CDH18: variants seen among roughly 807,000 people sequenced by gnomAD.
CDH18 encodes cadherin 18.
Under a neutral mutation model 67.9 loss-of-function variants are expected in CDH18, and 31 were observed. That is an observed-to-expected ratio of 0.46 (90% CI 0.34 to 0.62). CDH18 has a LOEUF of 0.62. CDH18 is among the 20% of genes least tolerant of loss of function. The pLI, the probability that CDH18 is intolerant of heterozygous loss-of-function variation, is 0.01. For synonymous variants in CDH18, 362 were observed against 347.2 expected, an observed-to-expected ratio of 1.04 and a Z score of -0.48; for missense variants, 890 against 975.5, an observed-to-expected ratio of 0.91 and a Z score of 1.17.
intron 1 of CDH18, among the ~76,000 whole-genome samples, chr5:20,266,834 CAG>C (rs1374730070): frequency 6.6e-6 from 1 of 151,934 alleles, no homozygotes; most frequent in Non-Finnish European, 1.5e-5. Flanking sequence ...ACTTATGTTT[CAG>C]AGAGTGTCTT....
rs77484039 is a variant in CDH18, at chr5:20,115,232, A to G, written c.-517-123218T>C. ...AGTCTCTTTCTTTTCTTATAAGGACACTAATACCATCATGGGGCTCCACTC... is the reference window on the plus strand; with the variant it reads ...AGTCTCTTTCTTTTCTTATAAGGACGCTAATACCATCATGGGGCTCCACTC... On this transcript the variant is annotated intron_variant, in intron 2 of 14. Coordinates refer to the CDH18 transcript ENST00000507958. 4.7e-3 allele frequency among the ~76,000 whole-genome samples: 675 copies of G among 144,578 alleles called. 9 individuals are homozygous for G. The highest frequency in any genetic ancestry group is 0.016 in the African/African-American group (623 of 39,054). The allele number at this position is 144,578 out of a possible 152,430, so 94.8% of individuals were successfully genotyped here.
intron 2 of CDH18, among the ~76,000 whole-genome samples, chr5:20,163,412 C>T (rs1386038657): frequency 1.3e-5 from 2 of 152,120 alleles, no homozygotes; most frequent in Non-Finnish European, 2.9e-5. Context: ...TCTCTTCAGT[C>T]TCTTTTAATC....
intron 2 of CDH18, among the ~76,000 whole-genome samples, chr5:20,021,116 T>A (rs886164679): frequency 2.0e-5 from 3 of 152,094 alleles, no homozygotes; most frequent in Non-Finnish European, 4.4e-5. Context: ...GGTTGGGAAT[T>A]GCATGGGGGC....
chr5:20,017,366 T>A (rs998719243), intron 2 of CDH18, among the ~76,000 whole-genome samples: 1 of 152,180 alleles, frequency 6.6e-6, no homozygotes, highest in Non-Finnish European at 1.5e-5. Flanking sequence ...TTATTTTTGT[T>A]AAATATCTGG....
chr5:19,685,859 A>G (rs1203572690), intron 5 of CDH18, among the ~76,000 whole-genome samples: 1 of 152,150 alleles, frequency 6.6e-6, no homozygotes, highest in Admixed American at 6.6e-5. Flanking sequence ...TGGCTGGAGG[A>G]TCACACAGGA....
intron 12 of CDH18, among the ~76,000 whole-genome samples, chr5:19,476,414 G>T (rs1738476526): frequency 6.6e-6 from 1 of 152,012 alleles, no homozygotes; most frequent in Admixed American, 6.6e-5. Flanking sequence ...ATATGTCAAA[G>T]ACATTGCTTA....
intron 5 of CDH18, among the ~76,000 whole-genome samples, chr5:19,655,986 CTTTTT>C (rs963093504): frequency 9.6e-6 from 1 of 103,660 alleles, no homozygotes; most frequent in African/African-American, 3.6e-5. Context: ...CTACTCACTT[CTTTTT>C]TTTTTTTTTT....
intron 2 of CDH18, among the ~76,000 whole-genome samples, chr5:20,220,240 T>C (rs1204405430): frequency 2.0e-5 from 3 of 151,886 alleles, no homozygotes; most frequent in Non-Finnish European, 4.4e-5. Flanking sequence ...GAGGTATATA[T>C]AGTAAGCAAA....
chr5:19,763,544 G>A (rs116059495), intron 3 of CDH18, among the ~76,000 whole-genome samples: 3,279 of 152,242 alleles, frequency 0.022, 122 homozygotes, highest in African/African-American at 0.074. Context: ...CATGCTAAAT[G>A]TGATATTTTT....
chr5:20,296,859 A>T (rs1747580769), intron 1 of CDH18, among the ~76,000 whole-genome samples: 3 of 151,954 alleles, frequency 2.0e-5, no homozygotes, highest in Admixed American at 2.0e-4. Context: ...TTTTGCTTAA[A>T]GTGAAATAAA....
chr5:20,409,957 T>C lies in CDH18; in HGVS notation c.-579-154452A>G, dbSNP rs191526179. ...CTGAATTATGAAGAAATAGAAAATC[T>C]AAATGGATTTATAATAAGAAGATTA... On this transcript the variant is annotated intron_variant, in intron 1 of 14. Coordinates refer to the CDH18 transcript ENST00000507958. Among the ~76,000 whole-genome samples, 18 of 151,764 alleles carry C rather than the reference T, an allele frequency of 1.2e-4. No individual in the cohort carries two copies. In the East Asian group the frequency reaches 3.1e-3, roughly 26 times the overall value.
intron 2 of CDH18, among the ~76,000 whole-genome samples, chr5:19,874,991 G>C (rs1786772441): frequency 6.6e-6 from 1 of 152,102 alleles, no homozygotes; most frequent in Non-Finnish European, 1.5e-5. Context: ...CACCCAGAAG[G>C]CCTGTTAAAA....
chr5:19,551,830 CT>C (rs1737505901), intron 8 of CDH18, among the ~76,000 whole-genome samples: 1 of 152,112 alleles, frequency 6.6e-6, no homozygotes, highest in Non-Finnish European at 1.5e-5. Flanking sequence ...CAGCCTGTTT[CT>C]GAAAATTTTG....
At chr5:20,565,192 T>C (rs1316124348) in intron 1 of CDH18, among the ~76,000 whole-genome samples, 1 of 152,176 alleles carries the variant, frequency 6.6e-6, no homozygotes, top group Non-Finnish European at 1.5e-5. Flanking sequence ...GTTTCAGATA[T>C]ATGTGAACTG....
intron 1 of CDH18, among the ~76,000 whole-genome samples, chr5:20,508,307 A>C (rs1754774563): frequency 7.2e-6 from 1 of 139,676 alleles, no homozygotes; most frequent in Non-Finnish European, 1.5e-5. Context: ...CACCTTACAT[A>C]GTTTTATGAC....
intron 3 of CDH18, among the ~76,000 whole-genome samples, chr5:19,782,836 T>A (rs1775283484): frequency 6.6e-6 from 1 of 152,180 alleles, no homozygotes; most frequent in Non-Finnish European, 1.5e-5. Flanking sequence ...GAGAAGACAT[T>A]CTAAATCTTT....
chr5:19,908,448 A>C (rs539790514), intron 2 of CDH18, among the ~76,000 whole-genome samples: 1 of 152,266 alleles, frequency 6.6e-6, no homozygotes, highest in East Asian at 1.9e-4. Flanking sequence ...TACTAAGAAA[A>C]ATATAGACAA....
At chr5:19,524,883 C>T (rs952172638) in intron 9 of CDH18, among the ~76,000 whole-genome samples, 1 of 152,106 alleles carries the variant, frequency 6.6e-6, no homozygotes, top group African/African-American at 2.4e-5. Flanking sequence ...GTAGCTGGGA[C>T]TACAGGCGCC....
chr5:20,129,211 TAAG>T (rs1470121307), intron 2 of CDH18, among the ~76,000 whole-genome samples: 1 of 151,206 alleles, frequency 6.6e-6, no homozygotes, highest in African/African-American at 2.4e-5. Flanking sequence ...TCAAGAAAAA[TAAG>T]AAAAAAAATA....
Sources: gnomAD v4.1 joint callset for allele counts (sites outside exome capture counted in the v4.1 genomes callset) on GRCh38, gnomAD v4.1.1 for gene constraint, MANE v1.5 for transcripts, NCBI Gene and HGNC (gene_info 2026-07-23, HGNC 2026-07-21) for gene names.